The following GALNT7 variants were observed in gnomAD, a reference collection of about 807,000 sequenced individuals.
GALNT7 encodes N-acetylgalactosaminyltransferase 7.
Under a neutral mutation model 82.1 loss-of-function variants are expected in GALNT7, and 60 were observed. That is an observed-to-expected ratio of 0.73 (90% CI 0.59 to 0.91). GALNT7 has a LOEUF of 0.91. GALNT7 is among the 40% of genes least tolerant of loss of function. The pLI, the probability that GALNT7 is intolerant of heterozygous loss-of-function variation, is 0.00. For synonymous variants in GALNT7, 243 were observed against 275.1 expected (o/e 0.88, Z 1.15); for missense variants, 660 against 804.2 (o/e 0.82, Z 2.17).
intron 1 of GALNT7, 28 bp from the exon 2 acceptor site, chr4:173,247,952 C>G (rs959974900): frequency 6.8e-7 from 1 of 1,468,530 alleles, no homozygotes; most frequent in African/African-American, 1.4e-5. Context: ...TTCATGTACT[C>G]ATTGTATATC....
At chr4:173,286,289 G>A (rs181994180) in intron 2 of GALNT7, among the ~76,000 whole-genome samples, 2 of 152,272 alleles carry the variant, frequency 1.3e-5, no homozygotes, top group African/African-American at 4.8e-5. Context: ...TCTAGCAAGG[G>A]CAGGTTTTCC....
intron 3 of GALNT7, among the ~76,000 whole-genome samples, chr4:173,294,815 T>C (rs1736661820): frequency 6.6e-6 from 1 of 152,178 alleles, no homozygotes; most frequent in South Asian, 2.1e-4. Context: ...TTATAATGTA[T>C]AATTATACAC....
In GALNT7 at chr4:173,314,189, A is replaced by C. The variant is rs1331824456; in HGVS notation, c.1608+13A>C. On this transcript the variant is annotated intron_variant, in intron 9 of 11. Transcript: ENST00000265000. The stretch of plus-strand genomic sequence containing the variant: ...TGACTGGGGAGAAGTAAGTAGTCAC[A>C]TCTCAAAATGTATGTGTTTGTAGAC... 2 of 1,487,596 alleles carry C rather than the reference A, an allele frequency of 1.3e-6. No individual in the cohort carries two copies. Among genetic ancestry groups the C allele is most frequent in the African/African-American group, 1.4e-5 (1 of 72,428 alleles). 92.1% of individuals were successfully genotyped at this position (1,487,596 alleles called of 1,614,324 possible).
intron 8 of GALNT7, among the ~76,000 whole-genome samples, chr4:173,309,502 C>T (rs1012734064): frequency 6.6e-6 from 1 of 152,184 alleles, no homozygotes; most frequent in Non-Finnish European, 1.5e-5. Flanking sequence ...ACCAAGGAAG[C>T]TTCATGCAGA....
chr4:173,315,202 T>G (rs1191876238), intron 9 of GALNT7, among the ~76,000 whole-genome samples: 1 of 152,174 alleles, frequency 6.6e-6, no homozygotes, highest in African/African-American at 2.4e-5. Context: ...GCATAGTTCA[T>G]CTGGGAGTGG....
At chr4:173,291,169 C>G (rs80093267) in intron 2 of GALNT7, among the ~76,000 whole-genome samples, 4,803 of 152,246 alleles carry the variant, frequency 0.032, 142 homozygotes, top group African/African-American at 0.082. Context: ...TCACCCAGTT[C>G]TGCTGTTTTA....
At chr4:173,309,159 C>CT (rs1188516149) in intron 8 of GALNT7, among the ~76,000 whole-genome samples, 2 of 152,146 alleles carry the variant, frequency 1.3e-5, no homozygotes, top group African/African-American at 4.8e-5. Context: ...TTAACTTAAA[C>CT]TGAACGGGAC....
intron 1 of GALNT7, among the ~76,000 whole-genome samples, chr4:173,246,047 A>G (rs933637263): frequency 6.6e-6 from 1 of 152,196 alleles, no homozygotes; most frequent in Non-Finnish European, 1.5e-5. Context: ...TTAGGGGGGA[A>G]CTTGTGAAAA....
intron 1 of GALNT7, among the ~76,000 whole-genome samples, chr4:173,177,633 A>C (rs28529641): frequency 0.012 from 1,821 of 152,312 alleles, 39 homozygotes; most frequent in African/African-American, 0.042. Flanking sequence ...GTGAGCAAAA[A>C]TAATTTCTTT....
chr4:173,279,611 C>T (rs1205030252), intron 2 of GALNT7, among the ~76,000 whole-genome samples: 1 of 152,148 alleles, frequency 6.6e-6, no homozygotes, highest in East Asian at 1.9e-4. Context: ...TTTTCCACTT[C>T]CTTTTATGAT....
intron 7 of GALNT7, 43 bp from the exon 8 acceptor site, chr4:173,303,952 GT>G: frequency 6.5e-7 from 1 of 1,548,370 alleles, no homozygotes; most frequent in Non-Finnish European, 8.8e-7. Context: ...TATGGTTTAT[GT>G]TTGTATTTGA....
chr4:173,243,910 C>A (rs917583247), intron 1 of GALNT7, among the ~76,000 whole-genome samples: 2 of 152,066 alleles, frequency 1.3e-5, no homozygotes. Context: ...GTCTATCTTA[C>A]CACCAAAGCA....
intron 1 of GALNT7, among the ~76,000 whole-genome samples, chr4:173,170,138 C>G (rs982490790): frequency 4.6e-5 from 7 of 152,170 alleles, no homozygotes; most frequent in African/African-American, 1.7e-4. Context: ...TGCTTCCCCC[C>G]GGATGAACCG....
rs184574548 is a variant in GALNT7 at position 173,292,577 on chromosome 4, C to G, written c.754+303C>G. Among the ~76,000 whole-genome samples, 1 of 152,004 alleles carries G rather than the reference C, an allele frequency of 6.6e-6. No individual in the cohort carries two copies. Among genetic ancestry groups the G allele is most frequent in the Admixed American group, 6.5e-5 (1 of 15,270 alleles). On this transcript the variant is annotated intron_variant, in intron 3 of 11. Transcript: ENST00000265000. This position sits in a 1 kb window ranked among gnomAD's most constrained non-coding sequence, Gnocchi z 4.8. Reference sequence around the variant, plus strand: ...ATACCACTGATTATAATGTTAGAAGCGAAGATAAACATAGGTAGCATGAAA... The same window carrying G: ...ATACCACTGATTATAATGTTAGAAGGGAAGATAAACATAGGTAGCATGAAA...
intron 1 of GALNT7, among the ~76,000 whole-genome samples, chr4:173,225,018 AAATAATAAT>A (rs70944438): frequency 0.024 from 3,417 of 144,528 alleles, 76 homozygotes; most frequent in African/African-American, 0.053. Flanking sequence ...CTGTCTCAAA[AAATAATAAT>A]AATAATAATA....
At chr4:173,185,218 A>G (rs1732428567) in intron 1 of GALNT7, among the ~76,000 whole-genome samples, 1 of 152,212 alleles carries the variant, frequency 6.6e-6, no homozygotes, top group South Asian at 2.1e-4. Flanking sequence ...TCAGTCAGAA[A>G]TCACCTTTGC....
intron 1 of GALNT7, among the ~76,000 whole-genome samples, chr4:173,222,971 A>C (rs1167837665): frequency 6.6e-6 from 1 of 152,204 alleles, no homozygotes. Context: ...CTGCCAATGG[A>C]TCATTTTTGC....
intron 1 of GALNT7, among the ~76,000 whole-genome samples, chr4:173,187,522 C>T (rs1314235436): frequency 6.6e-6 from 1 of 151,806 alleles, no homozygotes; most frequent in East Asian, 1.9e-4. Context: ...ATTAAGATTG[C>T]TGAAACTTGG....
chr4:173,297,293 G>A lies in GALNT7; in HGVS notation c.966-822G>A, dbSNP rs114149805. Among the ~76,000 whole-genome samples, 154 of 151,146 alleles carry A rather than the reference G, an allele frequency of 1.0e-3. 1 individual carries two copies. The highest frequency in any genetic ancestry group is 3.6e-3 in the African/African-American group (148 of 41,018). On this transcript the variant is annotated intron_variant, in intron 5 of 11. Coordinates refer to ENST00000265000, the MANE Select transcript of GALNT7 (RefSeq NM_017423.3). Reference sequence around the variant, plus strand: ...CTGTTTTCTGCAGTTAGAGGAGTGAGGAAGATCAAGTAAAAGTACAGAAAC... The same window carrying A: ...CTGTTTTCTGCAGTTAGAGGAGTGAAGAAGATCAAGTAAAAGTACAGAAAC...
Sources: gnomAD v4.1 joint callset for allele counts (sites outside exome capture counted in the v4.1 genomes callset) on GRCh38, gnomAD v4.1.1 for gene constraint, Gnocchi (gnomAD v3.1) non-coding constraint, MANE v1.5 for transcripts, NCBI Gene and HGNC (gene_info 2026-07-23, HGNC 2026-07-21) for gene names.